The following PRIM2 variants were observed in gnomAD, a reference collection of about 807,000 sequenced individuals.
PRIM2 encodes DNA primase subunit 2.
In PRIM2, 39 loss-of-function variants were observed where a neutral mutation model predicts 67.3. The observed-to-expected ratio is 0.58, with a 90% CI of 0.45 to 0.76. PRIM2 has a LOEUF of 0.76. Among genes scored for constraint, PRIM2 ranks in the 30% least tolerant of loss-of-function variants. The pLI, the probability that PRIM2 is intolerant of heterozygous loss-of-function variation, is 0.00. For synonymous variants in PRIM2, 143 were observed against 198.7 expected, an observed-to-expected ratio of 0.72 and a Z score of 2.36; for missense variants, 398 against 598.7, an observed-to-expected ratio of 0.66 and a Z score of 3.50.
At chr6:57,371,126 T>A (rs1195227889) in intron 5 of PRIM2, among the ~76,000 whole-genome samples, 1 of 134,322 alleles carries the variant, frequency 7.4e-6, no homozygotes, top group Non-Finnish European at 1.6e-5. Context: ...TCTTGAGGTT[T>A]GTTTTTTTTT....
chr6:57,522,421 T>C (rs1420690952), intron 8 of PRIM2, among the ~76,000 whole-genome samples: 1 of 152,234 alleles, frequency 6.6e-6, no homozygotes, highest in Non-Finnish European at 1.5e-5. Context: ...GGGCAACAAA[T>C]GTAAGCCACA....
At chr6:57,533,625 C>T (rs2127468780) in intron 9 of PRIM2, among the ~76,000 whole-genome samples, 1 of 152,288 alleles carries the variant, frequency 6.6e-6, no homozygotes, top group South Asian at 2.1e-4. Flanking sequence ...TTCTCACTTC[C>T]ACTCATGTGA....
At chr6:57,447,559 A>T (rs1772406968) in intron 7 of PRIM2, among the ~76,000 whole-genome samples, 1 of 152,232 alleles carries the variant, frequency 6.6e-6, no homozygotes. Context: ...TGAAATAAAC[A>T]GTGGGAGATA....
intron 8 of PRIM2, among the ~76,000 whole-genome samples, chr6:57,520,685 G>A (rs1554348816): frequency 3.7e-4 from 57 of 152,218 alleles, no homozygotes; most frequent in African/African-American, 1.2e-3. Flanking sequence ...AAATCCACCC[G>A]TTTAAAGGGT....
At chr6:57,573,143 A>G (rs1203025882) in intron 10 of PRIM2, among the ~76,000 whole-genome samples, 2 of 152,332 alleles carry the variant, frequency 1.3e-5, no homozygotes, top group Middle Eastern at 3.4e-3. Context: ...ATTTATTTAG[A>G]AGCAAGTTAA....
chr6:57,571,601 G>A (rs1322033183), intron 10 of PRIM2, among the ~76,000 whole-genome samples: 6 of 152,176 alleles, frequency 3.9e-5, no homozygotes, highest in Non-Finnish European at 7.3e-5. Context: ...AGTGAGCCGA[G>A]ATAGTGCCAC....
intron 5 of PRIM2, among the ~76,000 whole-genome samples, chr6:57,327,360 A>T (rs1345817476): frequency 6.6e-6 from 1 of 152,226 alleles, no homozygotes. Flanking sequence ...AAAAAGTAGA[A>T]GTTGCAATAG....
intron 7 of PRIM2, among the ~76,000 whole-genome samples, chr6:57,455,486 T>A (rs1772735488): frequency 6.6e-6 from 1 of 152,346 alleles, no homozygotes; most frequent in Admixed American, 6.5e-5. Context: ...TGGGTGCATA[T>A]ATATTTAGGA....
At chr6:57,356,370 C>G (rs1453134975) in intron 5 of PRIM2, among the ~76,000 whole-genome samples, 1 of 152,130 alleles carries the variant, frequency 6.6e-6, no homozygotes, top group Non-Finnish European at 1.5e-5. Flanking sequence ...CAAATATTAA[C>G]TATTATTTAT....
the PRIM2 span, among the ~76,000 whole-genome samples, chr6:57,304,857 A>G: frequency 1.3e-5 from 2 of 152,204 alleles, no homozygotes; most frequent in African/African-American, 4.8e-5. Context: ...GTAGGAAAAA[A>G]TCATGTTCCC....
the PRIM2 span, among the ~76,000 whole-genome samples, chr6:57,248,952 A>G: frequency 6.6e-6 from 1 of 152,254 alleles, no homozygotes; most frequent in Non-Finnish European, 1.5e-5. Flanking sequence ...TTTATTGAAC[A>G]ACACACAAGT....
In PRIM2 at chr6:57,589,642, T is replaced by G. The variant is rs1171591469; in HGVS notation, c.1021-11451T>G. 5.9e-5 allele frequency among the ~76,000 whole-genome samples: 9 copies of G among 152,306 alleles called. No individual in the cohort carries two copies. In the South Asian group the frequency reaches 1.9e-3, roughly 32 times the overall value. ...GCAGACCGCTGTGCATCCAAAAGCT[T>G]TGTTCCTTTTTGCTCTAGGGCTGTT... On this transcript the variant is annotated intron_variant, in intron 10 of 13. Transcript: ENST00000615550.
intron 1 of PRIM2, among the ~76,000 whole-genome samples, chr6:57,318,150 G>A (rs1348204539): frequency 6.6e-6 from 1 of 152,138 alleles, no homozygotes; most frequent in East Asian, 1.9e-4. Context: ...GGCCTATAAT[G>A]AGCAGGCAAC....
At chr6:57,620,155 C>T (rs1776825997) in intron 12 of PRIM2, among the ~76,000 whole-genome samples, 1 of 152,108 alleles carries the variant, frequency 6.6e-6, no homozygotes, top group Non-Finnish European at 1.5e-5. Context: ...AAGATCATGC[C>T]ACTGCACTCC....
intron 7 of PRIM2, among the ~76,000 whole-genome samples, chr6:57,489,331 C>G: frequency 6.6e-6 from 1 of 152,288 alleles, no homozygotes; most frequent in East Asian, 1.9e-4. Context: ...CCAGCGCAGG[C>G]AGATCATGAG....
chr6:57,446,592 T>C (rs1191695322), intron 7 of PRIM2, among the ~76,000 whole-genome samples: 1 of 151,810 alleles, frequency 6.6e-6, no homozygotes. Context: ...CTTTCCTAGA[T>C]ACACAGAAAA....
At position 57,457,588 on chromosome 6, in the gene PRIM2, G is replaced by A. The variant is rs77652438; in HGVS notation, c.694-49799G>A. On this transcript the variant is annotated intron_variant, in intron 7 of 13. Transcript: ENST00000615550. ...CTGTGGGTGTAGGACCCCCGAGCCA[G>A]GCGTGGGATATAATCTCTTGGTGTG... Among the ~76,000 whole-genome samples the A allele has an allele frequency of 5.9e-5, 9 of 152,320 alleles. No homozygotes were observed. The East Asian group carries it at 1.7e-3, about 29-fold the overall frequency.
At chr6:57,402,725 G>C (rs2397279) in intron 7 of PRIM2, among the ~76,000 whole-genome samples, 1 of 152,212 alleles carries the variant, frequency 6.6e-6, no homozygotes, top group African/African-American at 2.4e-5. Flanking sequence ...AAGCTTATGA[G>C]TTTGAATTTT....
chr6:57,362,421 T>C (rs1769232305), intron 5 of PRIM2, among the ~76,000 whole-genome samples: 2 of 152,310 alleles, frequency 1.3e-5, no homozygotes, highest in East Asian at 1.9e-4. Context: ...GTGGTTCATG[T>C]TGACTCAAAG....
Sources: allele counts gnomAD v4.1 joint callset (sites outside exome capture counted in the v4.1 genomes callset), GRCh38; gene constraint gnomAD v4.1.1; transcripts MANE v1.5; gene names NCBI Gene and HGNC (gene_info 2026-07-23, HGNC 2026-07-21).